Variants in CDH23 observed in about 807,000 individuals in gnomAD.
CDH23 encodes the protein cadherin related 23, also known as cadherin-23.
In CDH23, 189 loss-of-function variants were observed where a neutral mutation model predicts 317.1. The ratio of observed to expected loss-of-function variants is 0.60; its 90% CI spans 0.53 to 0.67. The LOEUF (loss-of-function observed/expected upper bound fraction) is 0.67, where lower values mean the gene tolerates loss of function less well. CDH23 is among the 30% of genes least tolerant of loss of function. The probability of loss-of-function intolerance (pLI) is 0.00; values close to 1 mark genes in which losing one functional copy is unlikely to be tolerated. For synonymous variants in CDH23, 1,839 were observed against 1,876.8 expected (o/e 0.98, Z 0.52); for missense variants, 4,401 against 4,592.4 (o/e 0.96, Z 1.20).
At chr10:71,670,935 G>T (rs546429513) in intron 14 of CDH23, among the ~76,000 whole-genome samples, 9 of 151,352 alleles carry the variant, frequency 5.9e-5, no homozygotes, top group Non-Finnish European at 1.2e-4. Context: ...CAGTTGAGGT[G>T]CTCACCTGGA....
At chr10:71,767,126 T>C (rs1413976778) in intron 38 of CDH23, among the ~76,000 whole-genome samples, 1 of 152,230 alleles carries the variant, frequency 6.6e-6, no homozygotes, top group Admixed American at 6.5e-5. Context: ...CCCTCAGATG[T>C]TTCTGTCCCA....
chr10:71,609,114 G>A (rs1341151923), intron 9 of CDH23, among the ~76,000 whole-genome samples: 2 of 152,082 alleles, frequency 1.3e-5, no homozygotes, highest in Non-Finnish European at 2.9e-5. Flanking sequence ...CAGGAGGGGC[G>A]ATGCTGCAGG....
At chr10:71,412,395 T>C (rs1848378057) in intron 1 of CDH23, among the ~76,000 whole-genome samples, 1 of 152,254 alleles carries the variant, frequency 6.6e-6, no homozygotes. Context: ...CTGTTTTCCA[T>C]TGTAGCTGCA....
At chr10:71,517,162 G>T (rs1051316175) in intron 6 of CDH23, among the ~76,000 whole-genome samples, 1 of 152,234 alleles carries the variant, frequency 6.6e-6, no homozygotes, top group Admixed American at 6.5e-5. Flanking sequence ...AAAGTACTTT[G>T]CTCGGCCAGC....
In CDH23 at chr10:71,799,610, T is replaced by C; in HGVS notation, c.7343T>C (p.Phe2448Ser). The change falls in exon 52 of 70, where the codon TTT (phenylalanine) becomes TCT (serine). Residue 2448 changes from phenylalanine (F) to serine (S), a missense_variant. Physicochemically the swap from Phe to Ser is radical, Grantham distance 155 (BLOSUM62 -2). This residue lies in a region of CDH23 where 189 missense variants were observed against 250.9 expected (regional missense o/e 0.75). Coordinates refer to ENST00000224721, the MANE Select transcript of CDH23 (RefSeq NM_022124.6). Reference sequence around the variant, plus strand: ...AGCCTTGGAGATGGAGAGAGCAAGTTTGCCATCAACCCCACCACGGTGAGC... The same window carrying C: ...AGCCTTGGAGATGGAGAGAGCAAGTCTGCCATCAACCCCACCACGGTGAGC... ...EYSLGDGESK[F>S]AINPTTGDIY... 3 of 1,614,010 alleles carry C rather than the reference T, an allele frequency of 1.9e-6. No homozygotes were observed. The highest frequency in any genetic ancestry group is 2.5e-6 in the Non-Finnish European group (3 of 1,179,886).
At chr10:71,670,987 G>T (rs921452291) in intron 14 of CDH23, among the ~76,000 whole-genome samples, 1 of 148,756 alleles carries the variant, frequency 6.7e-6, no homozygotes, top group South Asian at 2.2e-4. Flanking sequence ...TTTTTGACAG[G>T]GTCTCACTGT....
intron 36 of CDH23, among the ~76,000 whole-genome samples, chr10:71,740,427 G>A (rs1227054): frequency 0.74 from 112,936 of 152,182 alleles, 42,153 homozygotes; most frequent in Non-Finnish European, 0.78. Context: ...GACAGAGTGC[G>A]TGGGACAGAG....
chr10:71,807,857 G>A lies in CDH23; in HGVS notation c.8572G>A (p.Asp2858Asn), dbSNP rs757494360. 16 of 1,601,946 alleles carry A rather than the reference G, an allele frequency of 1.0e-5. No individual in the cohort carries two copies. Among genetic ancestry groups the A allele is most frequent in the South Asian group, 4.5e-5 (4 of 88,988 alleles). The change falls in exon 60 of 70, where the codon GAC becomes AAC. Residue 2858 changes from aspartate to asparagine, a missense_variant. Transcript: ENST00000224721. ...KAEYTAGVATDAKVGSELIQV... is the reference protein window; with the variant it reads ...KAEYTAGVATNAKVGSELIQV... The stretch of plus-strand genomic sequence containing the variant: ...GCCTCTTCCTGCAGGGGTGGCCACC[G>A]ACGCCAAGGTGGGCTCAGAGTTGAT...
chr10:71,594,842 G>T (rs556687927), intron 9 of CDH23, among the ~76,000 whole-genome samples: 2 of 152,130 alleles, frequency 1.3e-5, no homozygotes, highest in Non-Finnish European at 2.9e-5. Flanking sequence ...CCCCATTTTC[G>T]TAGTGACAAA....
rs755925029 is a variant in CDH23, at chr10:71,812,295, C to G, written c.9381-185C>G. The G allele has an allele frequency of 9.4e-6, 15 of 1,598,532 alleles. No individual in the cohort carries two copies. In the East Asian group the frequency reaches 3.3e-4, roughly 36 times the overall value. ...ACCAAAGGCAATCCAGACTGACATG[C>G]GGTCCTGGTTCCAGCAGGATCCTAT... On this transcript the variant is annotated intron_variant, in intron 66 of 69. Transcript: ENST00000224721.
chr10:71,725,254 C>G (rs1866752614), intron 29 of CDH23, 118 bp from the exon 30 acceptor site: 1 of 1,520,724 alleles, frequency 6.6e-7, no homozygotes, highest in Non-Finnish European at 9.1e-7. Flanking sequence ...CCCAGAAGAC[C>G]CGCAGCCTCC....
At chr10:71,611,456 C>T (rs1200765525) in intron 9 of CDH23, among the ~76,000 whole-genome samples, 1 of 152,184 alleles carries the variant, frequency 6.6e-6, no homozygotes, top group Non-Finnish European at 1.5e-5. Context: ...TAGGCACAGG[C>T]TGCTGGGGTG....
chr10:71,695,157 G>A (rs1865333790), intron 21 of CDH23, among the ~76,000 whole-genome samples: 1 of 152,192 alleles, frequency 6.6e-6, no homozygotes. Flanking sequence ...GAAGCCCCAG[G>A]TCACAGCAAG....
chr10:71,812,425 A>C (rs746433309), intron 66 of CDH23, 55 bp from the exon 67 acceptor site: 7 of 1,610,594 alleles, frequency 4.3e-6, no homozygotes, highest in Non-Finnish European at 5.9e-6. Context: ...CTGGAAGGGC[A>C]CCTGTCTACT....
At chr10:71,476,237 C>T (rs1270560860) in intron 3 of CDH23, among the ~76,000 whole-genome samples, 1 of 152,164 alleles carries the variant, frequency 6.6e-6, no homozygotes, top group East Asian at 1.9e-4. Context: ...TGCCCCCGTC[C>T]CCACCCCTTC....
rs774139031 is a variant in CDH23, at chr10:71,646,018, G to T, written c.1290+38G>T. The T allele has an allele frequency of 7.5e-6, 12 of 1,594,900 alleles. No homozygotes were observed. In the Admixed American group the frequency reaches 2.2e-4, roughly 29 times the overall value. ...TCACTGGCATTTTGGAGTGGGGTGG[G>T]GGGTGGATTTCAGGGGAGGCGAGGG... On this transcript the variant is annotated intron_variant, in intron 13 of 69. Transcript: ENST00000224721.
At chr10:71,593,685 T>C (rs376690271) in intron 9 of CDH23, among the ~76,000 whole-genome samples, 15 of 152,242 alleles carry the variant, frequency 9.9e-5, no homozygotes, top group South Asian at 6.2e-4. Context: ...GGTGGACACA[T>C]GTAAAGATGC....
intron 38 of CDH23, among the ~76,000 whole-genome samples, chr10:71,743,673 G>A (rs1839789530): frequency 6.6e-6 from 1 of 152,208 alleles, no homozygotes; most frequent in African/African-American, 2.4e-5. Context: ...CATTTATTGT[G>A]TTAACGTGGG....
chr10:71,749,733 G>A (rs1839946111), intron 38 of CDH23: 1 of 152,428 alleles, frequency 6.6e-6, no homozygotes, highest in Non-Finnish European at 1.5e-5. Context: ...ATGTGTCCAG[G>A]TGGGGTTCCC....
Sources: gnomAD v4.1 joint callset for allele counts (sites outside exome capture counted in the v4.1 genomes callset) on GRCh38, gnomAD v4.1.1 for gene constraint, gnomAD v4.1.1 regional missense constraint, MANE v1.5 for transcripts, NCBI Gene and HGNC (gene_info 2026-07-23, HGNC 2026-07-21) for gene names.